Variants in ITGB1 observed in about 807,000 individuals in gnomAD.
ITGB1 encodes the protein integrin subunit beta 1.
A neutral mutation model predicts 86.5 loss-of-function variants in ITGB1; 24 were observed. The observed-to-expected ratio is 0.28, with a 90% CI of 0.20 to 0.39. ITGB1 has a LOEUF of 0.39. ITGB1 is among the 10% of genes least tolerant of loss of function. The probability of loss-of-function intolerance (pLI) is 1.00; values close to 1 mark genes in which losing one functional copy is unlikely to be tolerated. For missense variants in ITGB1, 556 were observed against 946.9 expected (o/e 0.59, Z 5.42); for synonymous variants, 323 against 316.8 (o/e 1.02, Z -0.21).
intron 4 of ITGB1, among the ~76,000 whole-genome samples, chr10:32,928,562 A>G (rs548022017): frequency 6.6e-6 from 1 of 152,208 alleles, no homozygotes; most frequent in Admixed American, 6.5e-5. Context: ...ATAGAACACC[A>G]TAAATTAGTC....
At chr10:32,905,768 A>AT (rs2094894517) in intron 15 of ITGB1, among the ~76,000 whole-genome samples, 1 of 152,222 alleles carries the variant, frequency 6.6e-6, no homozygotes, top group African/African-American at 2.4e-5. Flanking sequence ...AGACACAGTG[A>AT]TTTTTATGTA....
chr10:32,954,975 T>A (rs1433691889), intron 1 of ITGB1, among the ~76,000 whole-genome samples: 2 of 152,128 alleles, frequency 1.3e-5, no homozygotes, highest in Admixed American at 6.5e-5. Context: ...TGTACACAGC[T>A]CCTGAAAGAG....
At chr10:32,911,083 T>C (rs1178226351) in intron 13 of ITGB1, among the ~76,000 whole-genome samples, 1 of 152,192 alleles carries the variant, frequency 6.6e-6, no homozygotes, top group African/African-American at 2.4e-5. Context: ...ATAATAATCC[T>C]TCAAGAGGAA....
chr10:32,911,754 T>A, intron 12 of ITGB1, 84 bp from the exon 13 acceptor site: 1 of 1,484,626 alleles, frequency 6.7e-7, no homozygotes, highest in Non-Finnish European at 9.4e-7. Context: ...CAACAACATG[T>A]GAGAAAGTAT....
intron 10 of ITGB1, 56 bp from the exon 11 acceptor site, chr10:32,920,140 AT>A (rs1370547473): frequency 6.4e-7 from 1 of 1,568,364 alleles, no homozygotes; most frequent in Non-Finnish European, 8.7e-7. Flanking sequence ...CTACTAAAAA[AT>A]ATTTCAAAAA....
chr10:32,916,024 G>A (rs1455516020), intron 11 of ITGB1, among the ~76,000 whole-genome samples: 1 of 152,164 alleles, frequency 6.6e-6, no homozygotes, highest in Non-Finnish European at 1.5e-5. Context: ...ATCAATAAAC[G>A]TAATCCATCA....
chr10:32,930,120 G>A lies in ITGB1; in HGVS notation c.154-76C>T. On this transcript the variant is annotated intron_variant, in intron 3 of 15. Coordinates refer to ENST00000302278, the MANE Select transcript of ITGB1 (RefSeq NM_002211.4). ...CTTTTTACATAATAATTGCAAATAA[G>A]CAATTAAATTGCAAAACATCAAATC... 5.4e-6 allele frequency: 4 copies of A among 734,316 alleles called. No individual in the cohort carries two copies. In the South Asian group the frequency reaches 6.5e-5, roughly 12 times the overall value. 45.5% of individuals were successfully genotyped at this position (734,316 alleles called of 1,614,324 possible).
chr10:32,957,754 C>A (rs878858542), intron 1 of ITGB1: 1 of 152,220 alleles, frequency 6.6e-6, no homozygotes, highest in South Asian at 2.1e-4. Context: ...CTCGCTGGCT[C>A]CCACCTGCGC....
chr10:32,932,641 G>A (rs768414153), intron 2 of ITGB1, 41 bp from the exon 3 acceptor site: 1 of 1,111,676 alleles, frequency 9.0e-7, no homozygotes, highest in Non-Finnish European at 1.4e-6. Context: ...TATGTGAAGT[G>A]TCAGAGAGAA....
intron 6 of ITGB1, 51 bp from the exon 7 acceptor site, chr10:32,923,791 C>CA: frequency 1.3e-6 from 2 of 1,491,436 alleles, no homozygotes; most frequent in Non-Finnish European, 1.8e-6. Context: ...AGTAATTCAA[C>CA]AAAAATCCTT....
Position 32,911,592 on chromosome 10 carries a change from G to T in ITGB1, c.1787C>A (p.Thr596Asn), listed in dbSNP as rs767684488. Reference sequence around the variant, plus strand: ...TCCGTTGCTGGCTTCACAAGTACTAGTATCCAAAGAACAGTCACATGCACT... The same window carrying T: ...TCCGTTGCTGGCTTCACAAGTACTATTATCCAAAGAACAGTCACATGCACT... ...TGSACDCSLD[T>N]STCEASNGQI... The change falls in exon 13 of 16, where the codon ACT (threonine) becomes AAT (asparagine). Residue 596 changes from threonine to asparagine, a missense_variant. Coordinates refer to ENST00000302278, the MANE Select transcript of ITGB1 (RefSeq NM_002211.4). 1 of 1,614,106 alleles carries T rather than the reference G, an allele frequency of 6.2e-7. No homozygotes were observed. Among genetic ancestry groups the T allele is most frequent in the East Asian group, 2.2e-5 (1 of 44,874 alleles).
At chr10:32,955,261 T>C (rs2095050168) in intron 1 of ITGB1, among the ~76,000 whole-genome samples, 2 of 152,120 alleles carry the variant, frequency 1.3e-5, no homozygotes, top group African/African-American at 4.8e-5. Context: ...GCTAATACAA[T>C]ACAGGTACTT....
intron 15 of ITGB1, among the ~76,000 whole-genome samples, chr10:32,903,077 C>T (rs113019716): frequency 6.0e-4 from 91 of 152,034 alleles, no homozygotes; most frequent in African/African-American, 2.0e-3. Flanking sequence ...GGAGGGCAGG[C>T]GCGGTGGCTC....
At chr10:32,955,673 T>C (rs899353889) in intron 1 of ITGB1, 1 of 152,222 alleles carries the variant, frequency 6.6e-6, no homozygotes, top group Non-Finnish European at 1.5e-5. Context: ...TATTATAATA[T>C]GACCAGATGT....
intron 1 of ITGB1, among the ~76,000 whole-genome samples, chr10:32,954,799 C>G (rs533272117): frequency 6.6e-6 from 1 of 152,142 alleles, no homozygotes; most frequent in African/African-American, 2.4e-5. Context: ...TGCACACACA[C>G]GTTTCATGAG....
chr10:32,916,341 T>C (rs1253218037), intron 11 of ITGB1, among the ~76,000 whole-genome samples: 3 of 152,054 alleles, frequency 2.0e-5, no homozygotes, highest in Non-Finnish European at 4.4e-5. Context: ...AAATAACACA[T>C]AACAATATTC....
chr10:32,928,758 T>C (rs1364884138), intron 4 of ITGB1, among the ~76,000 whole-genome samples: 2 of 150,820 alleles, frequency 1.3e-5, no homozygotes, highest in African/African-American at 4.8e-5. Flanking sequence ...ATTTATTATT[T>C]ATTATTTTAT....
rs199882352 is a variant in ITGB1 at position 32,932,617 on chromosome 10, A to C, written c.68-17T>G. The C allele has an allele frequency of 1.1e-5, 15 of 1,386,974 alleles. No homozygotes were observed. In the Admixed American group the frequency reaches 1.7e-4, roughly 16 times the overall value. The allele number at this position is 1,386,974 out of a possible 1,614,324, so 85.9% of individuals were successfully genotyped here. ...TATTTTCATCTGTCAGAAAGAAGAA[A>C]GAACAGAACATTTTATGTGAAGTGT... On this transcript the variant is annotated splice_polypyrimidine_tract_variant and intron_variant, in intron 2 of 15. Coordinates refer to ENST00000302278, the MANE Select transcript of ITGB1 (RefSeq NM_002211.4).
At chr10:32,940,188 T>C (rs924114295) in intron 1 of ITGB1, among the ~76,000 whole-genome samples, 1 of 151,770 alleles carries the variant, frequency 6.6e-6, no homozygotes, top group Non-Finnish European at 1.5e-5. Flanking sequence ...TACAAAAAAA[T>C]ACAAAAATTA....
Sources: allele counts gnomAD v4.1 joint callset (sites outside exome capture counted in the v4.1 genomes callset), GRCh38; gene constraint gnomAD v4.1.1; transcripts MANE v1.5; gene names NCBI Gene and HGNC (gene_info 2026-07-23, HGNC 2026-07-21).